The following POGLUT2 variants were observed in gnomAD, a reference collection of about 807,000 sequenced individuals.
The protein encoded by POGLUT2 is ER protein 58.
A neutral mutation model predicts 57.6 loss-of-function variants in POGLUT2; 47 were observed. The observed-to-expected ratio is 0.82, with a 90% CI of 0.65 to 1.04. POGLUT2 has a LOEUF of 1.04. Among genes scored for constraint, POGLUT2 ranks in the 50% least tolerant of loss-of-function variants. The probability of loss-of-function intolerance (pLI) is 0.00; values close to 1 mark genes in which losing one functional copy is unlikely to be tolerated. For synonymous variants in POGLUT2, 200 were observed against 218.8 expected, an observed-to-expected ratio of 0.91 and a Z score of 0.76; for missense variants, 565 against 614.8, an observed-to-expected ratio of 0.92 and a Z score of 0.86.
chr13:102,788,003 A>G (rs1878019629), intron 7 of POGLUT2, 80 bp from the exon 8 acceptor site: 4 of 758,702 alleles, frequency 5.3e-6, no homozygotes, highest in Non-Finnish European at 9.0e-6. Flanking sequence ...TCTTCAGAGT[A>G]TGTATACATT....
At chr13:102,787,956 A>G (rs548461846) in intron 7 of POGLUT2, 33 bp from the exon 8 acceptor site, 1 of 1,411,616 alleles carries the variant, frequency 7.1e-7, no homozygotes, top group East Asian at 2.3e-5. Context: ...ATCCTGTAAT[A>G]GAATCCATTT....
In POGLUT2 at chr13:102,793,435, CATTT is replaced by C. The variant is rs1173116499; in HGVS notation, c.595-21_595-18del. 2 of 1,522,228 alleles carry C rather than the reference CATTT, an allele frequency of 1.3e-6. No homozygotes were observed. The highest frequency in any genetic ancestry group is 1.8e-6 in the Non-Finnish European group (2 of 1,100,464). The allele number at this position is 1,522,228 out of a possible 1,614,324, so 94.3% of individuals were successfully genotyped here. The stretch of plus-strand genomic sequence containing the variant: ...GATATAAACCTAAAAGAGAATTTAC[CATTT>C]ATTATGTTAGTCTAAAGACGCTGGC... On this transcript the variant is annotated intron_variant, in intron 3 of 9. Coordinates refer to ENST00000376004, the MANE Select transcript of POGLUT2 (RefSeq NM_024089.3).
chr13:102,785,050 G>T (rs921254341), intron 9 of POGLUT2, among the ~76,000 whole-genome samples: 3 of 152,160 alleles, frequency 2.0e-5, no homozygotes, highest in Non-Finnish European at 4.4e-5. Flanking sequence ...TGGCCTTGGA[G>T]CACTGACAGA....
chr13:102,792,163 G>A, intron 4 of POGLUT2: 1 of 972,034 alleles, frequency 1.0e-6, no homozygotes, highest in African/African-American at 1.8e-5. Flanking sequence ...CAGACTGTAA[G>A]TGCTTTGAAA....
At chr13:102,788,700 G>A (rs1218574406) in intron 7 of POGLUT2, among the ~76,000 whole-genome samples, 3 of 152,304 alleles carry the variant, frequency 2.0e-5, no homozygotes, top group Middle Eastern at 3.4e-3. Flanking sequence ...TAGCCAGGCT[G>A]GTCTTGAACT....
intron 9 of POGLUT2, among the ~76,000 whole-genome samples, chr13:102,784,957 T>C (rs867819865): frequency 6.6e-6 from 1 of 152,198 alleles, no homozygotes; most frequent in South Asian, 2.1e-4. Context: ...TGAGAAGTGT[T>C]CTGATACCAA....
At chr13:102,798,314 T>C (rs1451685816) in intron 1 of POGLUT2, among the ~76,000 whole-genome samples, 175 bp downstream of exon 1, 3 of 152,248 alleles carry the variant, frequency 2.0e-5, no homozygotes, top group South Asian at 2.1e-4. Context: ...CAATACATTA[T>C]ATTGCATATA....
chr13:102,786,127 A>T lies in POGLUT2; in HGVS notation c.1491+105T>A, dbSNP rs553704282. Reference sequence around the variant, plus strand: ...TGAATTGCTTGGAGACCTCGAGAGGAACTCAAATATTTGCTGCCTGATTGA... The same window carrying T: ...TGAATTGCTTGGAGACCTCGAGAGGTACTCAAATATTTGCTGCCTGATTGA... On this transcript the variant is annotated intron_variant, in intron 9 of 9. Coordinates refer to ENST00000376004, the MANE Select transcript of POGLUT2 (RefSeq NM_024089.3). 6.8e-6 allele frequency: 5 copies of T among 735,174 alleles called. No individual in the cohort carries two copies. The East Asian group carries it at 1.2e-4, about 18-fold the overall frequency. 45.5% of individuals were successfully genotyped at this position (735,174 alleles called of 1,614,324 possible).
At chr13:102,791,480 T>C (rs1283264156) in intron 4 of POGLUT2, 50 bp from the exon 5 acceptor site, 4 of 1,465,250 alleles carry the variant, frequency 2.7e-6, no homozygotes, top group Non-Finnish European at 3.7e-6. Flanking sequence ...CATTGGATAA[T>C]ACATTGTATT....
At chr13:102,795,100 A>G (rs932327415) in intron 2 of POGLUT2, among the ~76,000 whole-genome samples, 5 of 151,752 alleles carry the variant, frequency 3.3e-5, no homozygotes, top group Non-Finnish European at 7.4e-5. Flanking sequence ...AAAAATACAA[A>G]AATTAGCCAG....
intron 9 of POGLUT2, among the ~76,000 whole-genome samples, chr13:102,785,807 T>C (rs1020018178): frequency 6.6e-6 from 1 of 152,212 alleles, no homozygotes; most frequent in African/African-American, 2.4e-5. Flanking sequence ...TGAGATGACT[T>C]TCAAATGAAG....
intron 2 of POGLUT2, 99 bp downstream of exon 2, chr13:102,796,693 AAAAAAAATATAT>A (rs1365557635): frequency 3.4e-4 from 53 of 153,856 alleles, no homozygotes; most frequent in African/African-American, 1.8e-3. Flanking sequence ...TAAAAAAAAA[AAAAAAAATATAT>A]ATATATATAT....
chr13:102,790,238 C>T (rs1335712722), intron 6 of POGLUT2, among the ~76,000 whole-genome samples: 1 of 152,244 alleles, frequency 6.6e-6, no homozygotes, highest in African/African-American at 2.4e-5. Context: ...TGGTCATCTA[C>T]AGGGCAGACA....
Position 102,787,636 on chromosome 13 carries a change from G to A in POGLUT2, c.1383+198C>T, listed in dbSNP as rs563098369. ...ATATTAATAGTTTTCGCTTAATATT[G>A]TAACATTTTCCATTAGCTAATCTTT... On this transcript the variant is annotated intron_variant, in intron 8 of 9. Transcript: ENST00000376004. Among the ~76,000 whole-genome samples, 6 of 152,260 alleles carry A rather than the reference G, an allele frequency of 3.9e-5. No individual in the cohort carries two copies. In the South Asian group the frequency reaches 6.2e-4, roughly 16 times the overall value.
chr13:102,788,043 G>C (rs989659459), intron 7 of POGLUT2, 120 bp from the exon 8 acceptor site: 3 of 556,536 alleles, frequency 5.4e-6, no homozygotes, highest in Admixed American at 3.1e-5. Flanking sequence ...ATATCTTTGG[G>C]GGTAGTCTCA....
At chr13:102,791,662 T>A (rs1358112312) in intron 4 of POGLUT2, among the ~76,000 whole-genome samples, 3 of 152,224 alleles carry the variant, frequency 2.0e-5, no homozygotes, top group African/African-American at 7.2e-5. Context: ...TCTGTTCTAA[T>A]ACTGCGAACA....
chr13:102,792,230 A>G (rs1402171198), intron 4 of POGLUT2: 1 of 307,266 alleles, frequency 3.3e-6, no homozygotes, highest in Non-Finnish European at 4.8e-6. Context: ...ATATACATGC[A>G]AATTATTCAA....
intron 4 of POGLUT2, 45 bp downstream of exon 4, chr13:102,793,296 T>C: frequency 1.9e-6 from 2 of 1,033,842 alleles, no homozygotes; most frequent in Non-Finnish European, 3.0e-6. Context: ...CTGTAAAATC[T>C]GGGCTTAAAT....
intron 9 of POGLUT2, among the ~76,000 whole-genome samples, chr13:102,786,006 C>T (rs112515253): frequency 1.3e-5 from 2 of 152,134 alleles, no homozygotes; most frequent in African/African-American, 4.8e-5. Context: ...GACTTCCCCC[C>T]ACTTTGCCAG....
Sources: allele counts gnomAD v4.1 joint callset (sites outside exome capture counted in the v4.1 genomes callset), GRCh38; gene constraint gnomAD v4.1.1; transcripts MANE v1.5; gene names NCBI Gene and HGNC (gene_info 2026-07-23, HGNC 2026-07-21).